The following ZZEF1 variants were observed in gnomAD, a reference collection of about 807,000 sequenced individuals.
ZZEF1 encodes the protein zinc finger ZZ-type and EF-hand domain containing 1.
A neutral mutation model predicts 342.8 loss-of-function variants in ZZEF1; 157 were observed. The ratio of observed to expected loss-of-function variants is 0.46; its 90% CI spans 0.40 to 0.52. ZZEF1 has a LOEUF of 0.52. Ranked by LOEUF, ZZEF1 falls within the 20% of genes least tolerant of loss-of-function variation. The pLI, the probability that ZZEF1 is intolerant of heterozygous loss-of-function variation, is 0.00. For synonymous variants in ZZEF1, 1,505 were observed against 1,429.1 expected (o/e 1.05, Z -1.20); for missense variants, 3,480 against 3,725.6 (o/e 0.93, Z 1.72).
intron 37 of ZZEF1, among the ~76,000 whole-genome samples, chr17:4,047,747 C>T (rs988830703): frequency 4.0e-5 from 6 of 151,314 alleles, no homozygotes; most frequent in African/African-American, 1.5e-4. Context: ...TCGAGACCAA[C>T]CTGGCTAACA....
intron 28 of ZZEF1, among the ~76,000 whole-genome samples, chr17:4,065,456 CAGAAT>C (rs376039755): frequency 2.3e-4 from 35 of 151,610 alleles, no homozygotes; most frequent in Middle Eastern, 3.4e-3. Context: ...TATTTACTGA[CAGAAT>C]AGAAGAACAG....
At chr17:4,115,432 G>A (rs570398980) in intron 3 of ZZEF1, among the ~76,000 whole-genome samples, 367 of 152,286 alleles carry the variant, frequency 2.4e-3, no homozygotes, top group Non-Finnish European at 4.2e-3. Context: ...GGAGGCCAAG[G>A]CAGGCGGATC....
chr17:4,136,923 G>A (rs1194982931), intron 1 of ZZEF1, among the ~76,000 whole-genome samples: 1 of 152,050 alleles, frequency 6.6e-6, no homozygotes. Flanking sequence ...CCATGCTGCT[G>A]GTAACTGCTT....
chr17:4,064,732 T>G lies in ZZEF1; in HGVS notation c.4347A>C (p.Glu1449Asp). Residue 1449 changes from glutamate to aspartate, a missense_variant, in exon 29 of 55, where the codon GAA becomes GAC. Glu to Asp is a conservative substitution (Grantham distance 45). Around this residue, in one of 5 missense-constraint regions of ZZEF1, gnomAD observed 1,528 missense variants for 1,624.1 expected, o/e 0.94. Transcript: ENST00000381638. ...ESCEKLETAD[E>D]TSHLQPLNKR... ...TGTTGAGTGGCTGGAGATGACTGGTTTCATCAGCAGTCTCCAACTTTTCGC... is the reference window on the plus strand; with the variant it reads ...TGTTGAGTGGCTGGAGATGACTGGTGTCATCAGCAGTCTCCAACTTTTCGC... 6.2e-7 allele frequency: 1 copy of G among 1,614,138 alleles called. No individual in the cohort carries two copies. The highest frequency in any genetic ancestry group is 1.1e-5 in the South Asian group (1 of 91,084).
intron 5 of ZZEF1, among the ~76,000 whole-genome samples, chr17:4,112,280 G>A (rs953267268): frequency 6.6e-6 from 1 of 150,694 alleles, no homozygotes; most frequent in Non-Finnish European, 1.5e-5. Flanking sequence ...CAAGTGGCTG[G>A]GATTACAGGT....
Position 4,109,817 on chromosome 17 carries a change from A to T in ZZEF1, c.1113T>A (p.Thr371=). 6.2e-7 allele frequency: 1 copy of T among 1,614,230 alleles called. No homozygotes were observed. Among genetic ancestry groups the T allele is most frequent in the Non-Finnish European group, 8.5e-7 (1 of 1,180,032 alleles). ...IKRCLSDGCD[T]RIHGLRAVGF... is the part of the protein sequence containing the mutation. ...CAACAGCCCTGAGACCATGAATTCT[A>T]GTGTCGCAGCCATCGCTAAGACAAC... Residue 371 remains threonine (T), a synonymous_variant, in exon 6 of 55, where the codon ACT becomes ACA. Coordinates refer to ENST00000381638, the MANE Select transcript of ZZEF1 (RefSeq NM_015113.4).
chr17:4,066,156 G>A (rs982029275), intron 28 of ZZEF1, among the ~76,000 whole-genome samples: 13 of 152,050 alleles, frequency 8.5e-5, no homozygotes, highest in African/African-American at 2.4e-4. Context: ...GAGACAGAAC[G>A]AGACCCCATC....
chr17:4,137,783 G>A (rs2058776901), intron 1 of ZZEF1, among the ~76,000 whole-genome samples: 1 of 152,218 alleles, frequency 6.6e-6, no homozygotes, highest in African/African-American at 2.4e-5. Flanking sequence ...TGCTCTAAGT[G>A]CCAAAGGATC....
At chr17:4,094,676 T>A (rs2058002725) in intron 11 of ZZEF1, among the ~76,000 whole-genome samples, 1 of 152,138 alleles carries the variant, frequency 6.6e-6, no homozygotes, top group Non-Finnish European at 1.5e-5. Context: ...ACTACCAATT[T>A]CCCCACCTGC....
intron 1 of ZZEF1, among the ~76,000 whole-genome samples, chr17:4,134,209 C>G (rs192247953): frequency 6.6e-6 from 1 of 151,436 alleles, no homozygotes; most frequent in Non-Finnish European, 1.5e-5. Flanking sequence ...AGGTTTGCTA[C>G]CCAGGAGGCT....
chr17:4,109,975 G>T (rs1319443908), intron 5 of ZZEF1, 112 bp from the exon 6 acceptor site: 7 of 955,906 alleles, frequency 7.3e-6, no homozygotes, highest in Non-Finnish European at 9.4e-6. Flanking sequence ...AATTCTGAAG[G>T]TACACTTTGA....
chr17:4,039,097 T>C (rs1477198801), intron 39 of ZZEF1, among the ~76,000 whole-genome samples: 2 of 151,974 alleles, frequency 1.3e-5, no homozygotes, highest in African/African-American at 4.8e-5. Flanking sequence ...AAAAGTCAAC[T>C]TAATGAAATC....
At chr17:4,038,391 C>T (rs541715982) in intron 39 of ZZEF1, among the ~76,000 whole-genome samples, 9 of 152,076 alleles carry the variant, frequency 5.9e-5, no homozygotes, top group African/African-American at 1.2e-4. Context: ...ACAATAGTAA[C>T]GTGAACTTTA....
chr17:4,139,937 C>G (rs918613664), intron 1 of ZZEF1, among the ~76,000 whole-genome samples: 2 of 152,244 alleles, frequency 1.3e-5, no homozygotes, highest in African/African-American at 4.8e-5. Context: ...GAATTTTGGC[C>G]TGTGGGATGT....
intron 9 of ZZEF1, among the ~76,000 whole-genome samples, chr17:4,102,079 G>A (rs1041174902): frequency 6.6e-6 from 1 of 152,114 alleles, no homozygotes; most frequent in African/African-American, 2.4e-5. Context: ...TATTCCAAGA[G>A]AAAGAATCCT....
At chr17:4,088,565 C>A (rs1448695379) in intron 13 of ZZEF1, 113 bp downstream of exon 13, 15 of 1,113,970 alleles carry the variant, frequency 1.3e-5, no homozygotes, top group Non-Finnish European at 1.7e-5. Context: ...CAGTACAATG[C>A]CCATCCTATT....
chr17:4,044,482 T>C (rs775634998), intron 37 of ZZEF1, 108 bp from the exon 38 acceptor site: 4 of 953,928 alleles, frequency 4.2e-6, no homozygotes, highest in South Asian at 1.7e-5. Flanking sequence ...TAAAAAACTT[T>C]TGAATGCCAT....
At position 4,006,179 on chromosome 17, in the gene ZZEF1, TA is replaced by T; in HGVS notation, c.*710del. On this transcript the variant is annotated 3_prime_UTR_variant, in exon 55 of 55. Coordinates refer to ENST00000381638, the MANE Select transcript of ZZEF1 (RefSeq NM_015113.4). ...CCAGGGAGACAGTGTGGTTCTGCTCTAAAAACGTGAGGTGGAAACTGAAATA... is the reference window on the plus strand; with the variant it reads ...CCAGGGAGACAGTGTGGTTCTGCTCTAAAACGTGAGGTGGAAACTGAAATA... The T allele has an allele frequency of 6.5e-6, 1 of 154,712 alleles. No individual in the cohort carries two copies. The highest frequency in any genetic ancestry group is 1.4e-5 in the Non-Finnish European group (1 of 69,624). 9.6% of individuals were successfully genotyped at this position (154,712 alleles called of 1,614,324 possible). A position where few individuals can be genotyped will look rare whatever the true frequency, so the allele number is the denominator to read the frequency against.
At chr17:4,050,410 T>C (rs1270949559) in intron 36 of ZZEF1, among the ~76,000 whole-genome samples, 1 of 152,202 alleles carries the variant, frequency 6.6e-6, no homozygotes, top group Non-Finnish European at 1.5e-5. Context: ...CGTAAACAGC[T>C]CTCATCTAGA....
Sources: gnomAD v4.1 joint callset for allele counts (sites outside exome capture counted in the v4.1 genomes callset) on GRCh38, gnomAD v4.1.1 for gene constraint, gnomAD v4.1.1 regional missense constraint, MANE v1.5 for transcripts, NCBI Gene and HGNC (gene_info 2026-07-23, HGNC 2026-07-21) for gene names.